TDRD10: variants seen among roughly 807,000 people sequenced by gnomAD.
TDRD10 encodes the protein tudor domain containing 10, also known as tudor domain-containing protein 10.
TDRD10 carries 40 observed loss-of-function variants against 48.0 expected under a neutral mutation model. The ratio of observed to expected loss-of-function variants is 0.83; its 90% confidence interval spans 0.65 to 1.09. TDRD10 has a LOEUF of 1.09. Among genes scored for constraint, TDRD10 ranks in the 50% least tolerant of loss-of-function variants. The probability of loss-of-function intolerance (pLI) is 0.00; values close to 1 mark genes in which losing one functional copy is unlikely to be tolerated. For missense variants in TDRD10, 378 were observed against 434.7 expected (o/e 0.87, Z 1.16); for synonymous variants, 162 against 170.4 (o/e 0.95, Z 0.38).
rs1695705571 is a variant in TDRD10, at chr1:154,548,114, C to T, written c.*404C>T. ...TGTAGAATAGGTAGAGAATATTTAA[C>T]CAATGAGCAAATAAATGTTGGCATG... On this transcript the variant is annotated 3_prime_UTR_variant, in exon 13 of 13. Transcript: ENST00000368482. 4.5e-6 allele frequency: 1 copy of T among 222,652 alleles called. No homozygotes were observed. Among genetic ancestry groups the T allele is most frequent in the Non-Finnish European group, 8.9e-6 (1 of 112,006 alleles). 13.8% of individuals were successfully genotyped at this position (222,652 alleles called of 1,614,324 possible). A position where few individuals can be genotyped will look rare whatever the true frequency, so the allele number is the denominator to read the frequency against.
chr1:154,528,380 C>T (rs960456916), intron 6 of TDRD10, among the ~76,000 whole-genome samples: 5 of 151,874 alleles, frequency 3.3e-5, no homozygotes, highest in African/African-American at 1.2e-4. Context: ...TGCACCACCA[C>T]GCGCAGCAAA....
At chr1:154,533,485 G>C (rs1345022402) in intron 6 of TDRD10, among the ~76,000 whole-genome samples, 1 of 151,652 alleles carries the variant, frequency 6.6e-6, no homozygotes, top group African/African-American at 2.4e-5. Context: ...GGGTTCCAAG[G>C]TCTCTGGTCA....
At chr1:154,507,821 C>T (rs1553194419) in intron 3 of TDRD10, among the ~76,000 whole-genome samples, 1 of 152,164 alleles carries the variant, frequency 6.6e-6, no homozygotes, top group Non-Finnish European at 1.5e-5. Flanking sequence ...TGAGCAATTT[C>T]CCAAATGTGC....
intron 4 of TDRD10, among the ~76,000 whole-genome samples, chr1:154,511,010 C>T (rs192364142): frequency 1.6e-4 from 24 of 151,540 alleles, no homozygotes; most frequent in Admixed American, 1.6e-3. Flanking sequence ...TGCGCCACTG[C>T]ACTCCAGCCT....
intron 4 of TDRD10, chr1:154,509,855 G>A: frequency 1.0e-6 from 1 of 985,362 alleles, no homozygotes; most frequent in Non-Finnish European, 1.2e-6. Context: ...TGTGGTTCCT[G>A]CAGTGGTCTG....
intron 6 of TDRD10, among the ~76,000 whole-genome samples, chr1:154,538,980 T>A (rs1418631589): frequency 6.6e-6 from 1 of 152,178 alleles, no homozygotes; most frequent in Non-Finnish European, 1.5e-5. Flanking sequence ...TCTAATTGTT[T>A]TACCGTATGA....
chr1:154,542,096 G>T, intron 7 of TDRD10, 30 bp downstream of exon 7: 1 of 1,613,042 alleles, frequency 6.2e-7, no homozygotes, highest in Non-Finnish European at 8.5e-7. Flanking sequence ...TCCTTTCCCA[G>T]GATGTGGCTT....
At chr1:154,532,435 TG>T (rs1454658376) in intron 6 of TDRD10, among the ~76,000 whole-genome samples, 1 of 151,884 alleles carries the variant, frequency 6.6e-6, no homozygotes, top group Non-Finnish European at 1.5e-5. Context: ...CGCGCAGCCC[TG>T]GTTCCCACCT....
intron 6 of TDRD10, among the ~76,000 whole-genome samples, 192 bp downstream of exon 6, chr1:154,521,671 G>C (rs1694068432): frequency 6.6e-6 from 1 of 152,186 alleles, no homozygotes; most frequent in Non-Finnish European, 1.5e-5. Context: ...GGAAAACTTG[G>C]AATTTGTAAA....
At chr1:154,546,412 A>G (rs1695576189) in intron 11 of TDRD10, among the ~76,000 whole-genome samples, 1 of 146,938 alleles carries the variant, frequency 6.8e-6, no homozygotes, top group South Asian at 2.1e-4. Context: ...AATGTAATTT[A>G]TATATTACGT....
intron 4 of TDRD10, among the ~76,000 whole-genome samples, chr1:154,515,847 TG>T (rs1205493405): frequency 6.6e-6 from 1 of 152,200 alleles, no homozygotes; most frequent in Non-Finnish European, 1.5e-5. Context: ...CCTAAGTAGG[TG>T]GGATTACAGG....
intron 6 of TDRD10, among the ~76,000 whole-genome samples, chr1:154,529,622 T>C (rs958647270): frequency 6.6e-6 from 1 of 151,412 alleles, no homozygotes; most frequent in African/African-American, 2.4e-5. Flanking sequence ...CTCAGCTCAC[T>C]GCAACCTCCG....
chr1:154,512,551 T>C lies in TDRD10; in HGVS notation c.141+4070T>C, dbSNP rs573586275. ...TAGAGATGGGGTTTCTCCATGATGG[T>C]CAGGCTGGTCTTGAACCCCTGACCT... On this transcript the variant is annotated intron_variant, in intron 4 of 12. Transcript: ENST00000368482. 1.9e-4 allele frequency among the ~76,000 whole-genome samples: 29 copies of C among 152,110 alleles called. No homozygotes were observed. The Middle Eastern group carries it at 0.014, about 71-fold the overall frequency.
At chr1:154,518,871 A>G (rs1693911410) in intron 4 of TDRD10, among the ~76,000 whole-genome samples, 1 of 152,212 alleles carries the variant, frequency 6.6e-6, no homozygotes, top group South Asian at 2.1e-4. Flanking sequence ...GCCCAAGGTT[A>G]TGGTTTACTG....
chr1:154,531,066 C>T (rs1420943086), intron 6 of TDRD10, among the ~76,000 whole-genome samples: 1 of 151,856 alleles, frequency 6.6e-6, no homozygotes, highest in African/African-American at 2.4e-5. Flanking sequence ...GTTTTGAACT[C>T]CTGACCTCAA....
chr1:154,544,462 G>C lies in TDRD10; in HGVS notation c.742G>C (p.Gly248Arg), dbSNP rs1466812039. 6.2e-7 allele frequency: 1 copy of C among 1,613,212 alleles called. No individual in the cohort carries two copies. The highest frequency in any genetic ancestry group is 8.5e-7 in the Non-Finnish European group (1 of 1,179,816). Residue 248 changes from glycine (G) to arginine (R), a missense_variant, in exon 10 of 13, where the codon GGG (glycine) becomes CGG (arginine). Coordinates refer to ENST00000368482, the MANE Select transcript of TDRD10 (RefSeq NM_182499.4). Reference protein sequence around the residue: ...PYLEGSTVMRGTRCLAEYHLG... With the variant: ...PYLEGSTVMRRTRCLAEYHLG... ...CCTGGAGGGCTCCACCGTTATGCGC[G>C]GGACTCGCTGTCTGGCAGAGTACCA...
intron 8 of TDRD10, 95 bp from the exon 9 acceptor site, chr1:154,543,868 G>A: frequency 6.4e-7 from 1 of 1,551,962 alleles, no homozygotes. Flanking sequence ...CCCCCAGGCA[G>A]TTCAGCCTCC....
At chr1:154,518,799 G>C (rs1693906309) in intron 4 of TDRD10, among the ~76,000 whole-genome samples, 3 of 152,314 alleles carry the variant, frequency 2.0e-5, no homozygotes, top group African/African-American at 7.2e-5. Context: ...TGAGTGAATG[G>C]ATGTGCATGG....
intron 11 of TDRD10, among the ~76,000 whole-genome samples, chr1:154,546,499 A>G (rs1395386408): frequency 6.7e-6 from 1 of 148,358 alleles, no homozygotes; most frequent in African/African-American, 2.5e-5. Flanking sequence ...TATATATAAT[A>G]TATATATTTA....
Sources: gnomAD v4.1 joint callset for allele counts (sites outside exome capture counted in the v4.1 genomes callset) on GRCh38, gnomAD v4.1.1 for gene constraint, MANE v1.5 for transcripts, NCBI Gene and HGNC (gene_info 2026-07-23, HGNC 2026-07-21) for gene names.